The following DAD1 variants were observed in gnomAD, a reference collection of about 807,000 sequenced individuals.
DAD1 encodes the protein defender against cell death 1, also known as dolichyl-diphosphooligosaccharide--protein glycosyltransferase subunit DAD1.
DAD1 carries 4 observed loss-of-function variants against 9.0 expected under a neutral mutation model. The ratio of observed to expected loss-of-function variants is 0.44; its 90% CI spans 0.22 to 1.01. The LOEUF (loss-of-function observed/expected upper bound fraction) is 1.01. DAD1 is among the 50% of genes least tolerant of loss of function. The probability of loss-of-function intolerance (pLI) is 0.24; values close to 1 mark genes in which losing one functional copy is unlikely to be tolerated. For synonymous variants in DAD1, 60 were observed against 62.5 expected, an observed-to-expected ratio of 0.96 and a Z score of 0.19; for missense variants, 119 against 137.3, an observed-to-expected ratio of 0.87 and a Z score of 0.67.
chr14:22,571,100 G>A (rs2037035901), intron 2 of DAD1, among the ~76,000 whole-genome samples: 1 of 151,530 alleles, frequency 6.6e-6, no homozygotes, highest in African/African-American at 2.4e-5. Context: ...AAGGCGAGTG[G>A]ATCACGAGGA....
intron 2 of DAD1, 86 bp downstream of exon 2, chr14:22,574,973 C>T: frequency 3.3e-6 from 4 of 1,209,998 alleles, no homozygotes; most frequent in Non-Finnish European, 3.5e-6. Context: ...GTATGGGAGC[C>T]TGGCCAACCA....
intron 1 of DAD1, among the ~76,000 whole-genome samples, chr14:22,578,251 CTA>C (rs1055264853): frequency 7.9e-6 from 1 of 126,214 alleles, no homozygotes; most frequent in African/African-American, 3.4e-5. Flanking sequence ...GAAACTCCAT[CTA>C]AAAAAAAAAA....
At chr14:22,571,766 ATTACAG>A (rs2037042746) in intron 2 of DAD1, among the ~76,000 whole-genome samples, 2 of 151,258 alleles carry the variant, frequency 1.3e-5, no homozygotes, top group African/African-American at 4.9e-5. Flanking sequence ...AGTAGCTGGG[ATTACAG>A]GCACCGGCCA....
intron 2 of DAD1, among the ~76,000 whole-genome samples, chr14:22,572,785 C>A (rs1267456117): frequency 6.6e-6 from 1 of 152,160 alleles, no homozygotes; most frequent in Non-Finnish European, 1.5e-5. Context: ...TTCCTAAGTA[C>A]ACACCATGAC....
chr14:22,571,361 A>T (rs554603143), intron 2 of DAD1, among the ~76,000 whole-genome samples: 3 of 151,848 alleles, frequency 2.0e-5, no homozygotes, highest in South Asian at 4.1e-4. Context: ...AAGAACAAAC[A>T]TGGAAAAAAC....
intron 1 of DAD1, among the ~76,000 whole-genome samples, chr14:22,582,507 G>C (rs1039083052): frequency 6.6e-6 from 1 of 151,976 alleles, no homozygotes; most frequent in Non-Finnish European, 1.5e-5. Flanking sequence ...CTGGGCAACA[G>C]AGCGAGACTC....
chr14:22,570,344 T>C (rs950773399), intron 2 of DAD1, among the ~76,000 whole-genome samples: 21 of 152,200 alleles, frequency 1.4e-4, no homozygotes, highest in African/African-American at 4.1e-4. Flanking sequence ...AGGGCCACTT[T>C]AGGGTTCTAT....
At chr14:22,577,216 C>G (rs2037083342) in intron 1 of DAD1, among the ~76,000 whole-genome samples, 1 of 152,104 alleles carries the variant, frequency 6.6e-6, no homozygotes, top group East Asian at 1.9e-4. Context: ...GGCGGATCAC[C>G]CGAGGTCAGG....
intron 1 of DAD1, among the ~76,000 whole-genome samples, chr14:22,587,183 A>C (rs5742744): frequency 0.03 from 4,564 of 152,290 alleles, 204 homozygotes; most frequent in African/African-American, 0.093. Flanking sequence ...ACTCTAGTCC[A>C]TGCCCACTCT....
At chr14:22,567,392 G>A (rs957874978) in intron 2 of DAD1, among the ~76,000 whole-genome samples, 1 of 152,182 alleles carries the variant, frequency 6.6e-6, no homozygotes, top group African/African-American at 2.4e-5. Context: ...TAGAAATAAT[G>A]TGAATCAAAG....
Position 22,564,967 on chromosome 14 carries a change from A to T in DAD1, c.*215T>A. ...AAAGGTTACATTTAATGAAAGGCAGAGGCTGGATTAATAAATGTTTGTTAG... is the reference window on the plus strand; with the variant it reads ...AAAGGTTACATTTAATGAAAGGCAGTGGCTGGATTAATAAATGTTTGTTAG... On this transcript the variant is annotated 3_prime_UTR_variant, in exon 3 of 3. Coordinates refer to ENST00000250498, the MANE Select transcript of DAD1 (RefSeq NM_001344.4). 1 of 612,490 alleles carries T rather than the reference A, an allele frequency of 1.6e-6. No individual in the cohort carries two copies. The highest frequency in any genetic ancestry group is 2.9e-6 in the Non-Finnish European group (1 of 343,420). 37.9% of individuals were successfully genotyped at this position (612,490 alleles called of 1,614,324 possible).
intron 2 of DAD1, among the ~76,000 whole-genome samples, chr14:22,569,468 C>T (rs1356959319): frequency 6.6e-6 from 1 of 151,972 alleles, no homozygotes; most frequent in Admixed American, 6.6e-5. Context: ...TTCATACACT[C>T]ATTCAACAAA....
intron 1 of DAD1, among the ~76,000 whole-genome samples, chr14:22,586,821 G>A (rs77962656): frequency 6.6e-6 from 1 of 152,192 alleles, no homozygotes; most frequent in Non-Finnish European, 1.5e-5. Flanking sequence ...GAAGAGGCAG[G>A]ATTTAGGAAA....
At chr14:22,587,487 G>A (rs528665974) in intron 1 of DAD1, among the ~76,000 whole-genome samples, 71 of 152,252 alleles carry the variant, frequency 4.7e-4, no homozygotes, top group African/African-American at 1.6e-3. Context: ...GTATCTGGTC[G>A]GATGATGGTT....
chr14:22,581,945 G>A (rs544829500), intron 1 of DAD1, among the ~76,000 whole-genome samples: 1 of 152,118 alleles, frequency 6.6e-6, no homozygotes, highest in African/African-American at 2.4e-5. Context: ...GCTCACGCCT[G>A]TAATCCCAGC....
At position 22,578,119 on chromosome 14, in the gene DAD1, G is replaced by T. The variant is rs142068826; in HGVS notation, c.212-2886C>A. 2.8e-3 allele frequency among the ~76,000 whole-genome samples: 425 copies of T among 152,170 alleles called. 10 individuals carry two copies. The South Asian group carries it at 0.045, about 16-fold the overall frequency. ...AAATACAAAATTAGCCGGGCATGGT[G>T]GCGCATGCCTGTGATCCCAGTTGCT... On this transcript the variant is annotated intron_variant, in intron 1 of 2. Transcript: ENST00000250498.
intron 1 of DAD1, among the ~76,000 whole-genome samples, chr14:22,583,779 G>A (rs1023482843): frequency 2.6e-5 from 4 of 152,096 alleles, no homozygotes; most frequent in Non-Finnish European, 5.9e-5. Context: ...TCACAGGAAA[G>A]AGACACATCA....
At chr14:22,588,399 A>ATTT (rs2037168579) in intron 1 of DAD1, among the ~76,000 whole-genome samples, 1 of 152,268 alleles carries the variant, frequency 6.6e-6, no homozygotes, top group Non-Finnish European at 1.5e-5. Flanking sequence ...AAATAGAGTT[A>ATTT]TGTGAACAAA....
intron 1 of DAD1, among the ~76,000 whole-genome samples, chr14:22,586,933 T>C (rs1044174510): frequency 1.3e-5 from 2 of 152,222 alleles, no homozygotes; most frequent in African/African-American, 4.8e-5. Context: ...TCTATAGCTC[T>C]ATTATCTGTT....
Sources: gnomAD v4.1 joint callset for allele counts (sites outside exome capture counted in the v4.1 genomes callset) on GRCh38, gnomAD v4.1.1 for gene constraint, MANE v1.5 for transcripts, NCBI Gene and HGNC (gene_info 2026-07-23, HGNC 2026-07-21) for gene names.